EDEM2: variants seen among roughly 807,000 people sequenced by gnomAD.
EDEM2 encodes the protein ER degradation-enhancing alpha-mannosidase-like protein 2.
In EDEM2, 39 loss-of-function variants were observed where a neutral mutation model predicts 64.8. That is an observed-to-expected ratio of 0.60 (90% confidence interval 0.47 to 0.79). EDEM2 has a LOEUF of 0.79. Among genes scored for constraint, EDEM2 ranks in the 30% least tolerant of loss-of-function variants. EDEM2 has a pLI of 0.00. For missense variants in EDEM2, 609 were observed against 731.3 expected (o/e 0.83, Z 1.93); for synonymous variants, 296 against 291.5 (o/e 1.02, Z -0.16).
At position 35,134,987 on chromosome 20, in the gene EDEM2, G is replaced by A. The variant is rs775501072; in HGVS notation, c.491-38C>T. ...CAAATTATGATCCCGGACAGGAGCA[G>A]GGGGATAGGGATAGTTCTGATACAC... On this transcript the variant is annotated intron_variant, in intron 5 of 10. Coordinates refer to ENST00000374492, the MANE Select transcript of EDEM2 (RefSeq NM_018217.3). 8 of 1,600,650 alleles carry A rather than the reference G, an allele frequency of 5.0e-6. 1 individual carries two copies. The highest frequency in any genetic ancestry group is 4.5e-5 in the East Asian group (2 of 44,836).
intron 10 of EDEM2, among the ~76,000 whole-genome samples, chr20:35,118,013 T>G (rs1234067785): frequency 6.6e-6 from 1 of 152,178 alleles, no homozygotes; most frequent in African/African-American, 2.4e-5. Context: ...CTTCCCACTT[T>G]TCTCCTTGCT....
chr20:35,116,387 A>G (rs2085309689), intron 10 of EDEM2, among the ~76,000 whole-genome samples: 1 of 152,264 alleles, frequency 6.6e-6, no homozygotes, highest in South Asian at 2.1e-4. Context: ...CATGCAGGAT[A>G]AAAATGCAAG....
chr20:35,127,205 T>C (rs1304147650), intron 7 of EDEM2, among the ~76,000 whole-genome samples: 1 of 152,204 alleles, frequency 6.6e-6, no homozygotes, highest in African/African-American at 2.4e-5. Flanking sequence ...TCCCCAGCCA[T>C]GTGGAACTGT....
chr20:35,138,347 T>C (rs60866116), intron 4 of EDEM2, among the ~76,000 whole-genome samples: 20,729 of 151,998 alleles, frequency 0.14, 1,742 homozygotes, highest in African/African-American at 0.24. Context: ...AGTACTACTG[T>C]CCCCTCTTCG....
chr20:35,134,398 T>C (rs1439218497), intron 6 of EDEM2, among the ~76,000 whole-genome samples: 2 of 152,030 alleles, frequency 1.3e-5, no homozygotes, highest in Non-Finnish European at 2.9e-5. Context: ...CAAATACAGA[T>C]AGACGCTAAA....
At chr20:35,133,655 TG>T (rs1003267272) in intron 6 of EDEM2, among the ~76,000 whole-genome samples, 1 of 151,846 alleles carries the variant, frequency 6.6e-6, no homozygotes, top group African/African-American at 2.4e-5. Flanking sequence ...TTAGTAGAGA[TG>T]GGGTTTCTCC....
rs201673840 is a variant in EDEM2, at chr20:35,126,303, G to A, written c.917C>T (p.Thr306Ile). The A allele has an allele frequency of 3.7e-6, 6 of 1,614,124 alleles. No homozygotes were observed. Among genetic ancestry groups the A allele is most frequent in the Middle Eastern group, 1.7e-4 (1 of 5,974 alleles). The change falls in exon 8 of 11, where the codon ACT becomes ATT. Residue 306 changes from threonine to isoleucine, a missense_variant. Physicochemically the swap from Thr to Ile is moderately conservative, Grantham distance 89. Coordinates refer to ENST00000374492, the MANE Select transcript of EDEM2 (RefSeq NM_018217.3). Reference protein sequence around the residue: ...WYLWVQMYKGTVSMPVFQSLE... With the variant: ...WYLWVQMYKGIVSMPVFQSLE... ...GGACTGGAAGACTGGCATGGACACA[G>A]TCCCCTTGTACATCTGAACCCACAG...
intron 6 of EDEM2, 92 bp downstream of exon 6, chr20:35,134,646 C>A: frequency 6.9e-7 from 1 of 1,442,018 alleles, no homozygotes; most frequent in Non-Finnish European, 9.5e-7. Flanking sequence ...CAAGGTCACC[C>A]TAAGTTTTCC....
chr20:35,125,445 C>T (rs973575298), intron 8 of EDEM2, among the ~76,000 whole-genome samples: 2 of 151,800 alleles, frequency 1.3e-5, no homozygotes, highest in Non-Finnish European at 2.9e-5. Context: ...AGTGCAGTGG[C>T]GCAATCTCAG....
intron 7 of EDEM2, among the ~76,000 whole-genome samples, chr20:35,131,418 G>A (rs2085503566): frequency 6.6e-6 from 1 of 152,082 alleles, no homozygotes; most frequent in Non-Finnish European, 1.5e-5. Context: ...GGATGTGATG[G>A]TGTGCGCCTG....
chr20:35,123,827 G>C, intron 9 of EDEM2, 63 bp downstream of exon 9: 1 of 1,582,852 alleles, frequency 6.3e-7, no homozygotes, highest in Non-Finnish European at 8.6e-7. Flanking sequence ...GCCTTGTAGA[G>C]GGGATTTGGG....
chr20:35,123,871 A>G lies in EDEM2; in HGVS notation c.1114+19T>C, dbSNP rs201273133. The G allele has an allele frequency of 1.4e-5, 23 of 1,612,126 alleles. No individual in the cohort carries two copies. The African/African-American group carries it at 2.0e-4, about 14-fold the overall frequency. On this transcript the variant is annotated intron_variant, in intron 9 of 10. Coordinates refer to ENST00000374492, the MANE Select transcript of EDEM2 (RefSeq NM_018217.3). ...AACCAGAGCCTGTGGGCAGATGACAAGCCAGAAATGCTGCTCACCTGGCCG... is the reference window on the plus strand; with the variant it reads ...AACCAGAGCCTGTGGGCAGATGACAGGCCAGAAATGCTGCTCACCTGGCCG...
intron 6 of EDEM2, 111 bp downstream of exon 6, chr20:35,134,627 G>T: frequency 8.0e-7 from 1 of 1,252,228 alleles, no homozygotes; most frequent in Non-Finnish European, 1.1e-6. Context: ...CCAAATCCTG[G>T]ACCACTCCCA....
intron 4 of EDEM2, 57 bp from the exon 5 acceptor site, chr20:35,138,062 A>AG: frequency 6.3e-7 from 1 of 1,599,778 alleles, no homozygotes; most frequent in Non-Finnish European, 8.5e-7. Flanking sequence ...CAAGGGATCA[A>AG]GGATCTTTCC....
chr20:35,133,769 A>AG (rs932515809), intron 6 of EDEM2, among the ~76,000 whole-genome samples: 2 of 152,118 alleles, frequency 1.3e-5, no homozygotes, highest in African/African-American at 2.4e-5. Context: ...ACCCAGCCTT[A>AG]GGGGGGCACC....
At position 35,115,536 on chromosome 20, in the gene EDEM2, TC is replaced by T. The variant is rs769396515; in HGVS notation, c.1633del (p.Glu545ArgfsTer31). The T allele has an allele frequency of 6.2e-7, 1 of 1,614,040 alleles. No homozygotes were observed. The highest frequency in any genetic ancestry group is 8.5e-7 in the Non-Finnish European group (1 of 1,179,986). ...GACCTTCTGTTTGGCAGGCTTCCTC[TC>T]CCTTGCCTGGTCATGGTTTTCTGGT... ...FSPENHDQARERKPAKQKVPL... is the reference protein window; with the variant it reads ...FSPENHDQARXRKPAKQKVPL... On this transcript the variant is annotated frameshift_variant, in exon 11 of 11. Coordinates refer to ENST00000374492, the MANE Select transcript of EDEM2 (RefSeq NM_018217.3). LOFTEE classifies it high-confidence loss of function.
At chr20:35,143,785 T>C (rs1226098041) in intron 3 of EDEM2, among the ~76,000 whole-genome samples, 2 of 152,088 alleles carry the variant, frequency 1.3e-5, no homozygotes, top group Admixed American at 6.6e-5. Flanking sequence ...GGTGTGATCA[T>C]AGCTCATCAC....
chr20:35,146,397 G>A (rs923336341), intron 2 of EDEM2, among the ~76,000 whole-genome samples: 7 of 152,116 alleles, frequency 4.6e-5, no homozygotes, highest in African/African-American at 1.7e-4. Context: ...GGAGGAAAAT[G>A]GGGAGTGTAT....
At position 35,134,145 on chromosome 20, in the gene EDEM2, G is replaced by A. The variant is rs774848205; in HGVS notation, c.702+593C>T. On this transcript the variant is annotated intron_variant, in intron 6 of 10. Transcript: ENST00000374492. Reference sequence around the variant, plus strand: ...GTCCAAAGTGTGTTCAATTTCCATGGGTTAATAGTACTGGAAGATAAAGGG... The same window carrying A: ...GTCCAAAGTGTGTTCAATTTCCATGAGTTAATAGTACTGGAAGATAAAGGG... 7.2e-5 allele frequency: 33 copies of A among 456,030 alleles called. 1 individual carries two copies. The highest frequency in any genetic ancestry group is 5.1e-4 in the South Asian group (33 of 64,548). The allele number at this position is 456,030 out of a possible 1,614,324, so 28.2% of individuals were successfully genotyped here. A position where few individuals can be genotyped will look rare whatever the true frequency, so the allele number is the denominator to read the frequency against.
Sources: gnomAD v4.1 joint callset for allele counts (sites outside exome capture counted in the v4.1 genomes callset) on GRCh38, gnomAD v4.1.1 for gene constraint, MANE v1.5 for transcripts, NCBI Gene and HGNC (gene_info 2026-07-23, HGNC 2026-07-21) for gene names.